FAM81B: variants seen among roughly 807,000 people sequenced by gnomAD.
The protein encoded by FAM81B is protein FAM81B.
FAM81B carries 60 observed loss-of-function variants against 58.7 expected under a neutral mutation model. The observed-to-expected ratio is 1.02, with a 90% CI of 0.83 to 1.27. The LOEUF is 1.27. FAM81B is among the 50% of genes most tolerant of loss of function. FAM81B has a pLI of 0.00. For missense variants in FAM81B, 491 were observed against 522.0 expected (o/e 0.94, Z 0.58); for synonymous variants, 189 against 179.6 (o/e 1.05, Z -0.42).
At position 95,424,033 on chromosome 5, in the gene FAM81B, T is replaced by C. The variant is rs1381721617; in HGVS notation, c.656+3631T>C. 8 of 1,289,366 alleles carry C rather than the reference T, an allele frequency of 6.2e-6. No homozygotes were observed. The East Asian group carries it at 4.4e-4, about 71-fold the overall frequency. 79.9% of individuals were successfully genotyped at this position (1,289,366 alleles called of 1,614,324 possible). ...GCCAAGGATGCAACCGTGTTCTTTATCATTTCTATCATCTAGGACCTCCCT... is the reference window on the plus strand; with the variant it reads ...GCCAAGGATGCAACCGTGTTCTTTACCATTTCTATCATCTAGGACCTCCCT... On this transcript the variant is annotated intron_variant, in intron 5 of 9. Transcript: ENST00000283357.
intron 6 of FAM81B, among the ~76,000 whole-genome samples, chr5:95,434,894 G>A (rs1745041918): frequency 6.6e-6 from 1 of 152,206 alleles, no homozygotes; most frequent in Non-Finnish European, 1.5e-5. Context: ...TGTTAGTCCA[G>A]ATCCTTTGCG....
intron 2 of FAM81B, among the ~76,000 whole-genome samples, chr5:95,394,282 T>C (rs1761905844): frequency 6.6e-6 from 1 of 152,206 alleles, no homozygotes; most frequent in African/African-American, 2.4e-5. Flanking sequence ...ATCTAATTGT[T>C]ACACTTCAGA....
At chr5:95,418,330 T>C (rs1460943432) in intron 4 of FAM81B, among the ~76,000 whole-genome samples, 2 of 152,078 alleles carry the variant, frequency 1.3e-5, no homozygotes, top group Non-Finnish European at 2.9e-5. Flanking sequence ...GCAATTCCAC[T>C]ATGGCAAGGA....
rs1475467957 is a variant in FAM81B, at chr5:95,420,403, G to C, written c.656+1G>C. On this transcript the variant is annotated splice_donor_variant, in intron 5 of 9. Transcript: ENST00000283357. LOFTEE classifies it high-confidence loss of function. ...GAGATCTTCGAGGAAGAGTAGCCAG[G>C]TGAGAAGAAGCATGTTGACTAATGT... 6.2e-7 allele frequency: 1 copy of C among 1,613,496 alleles called. No individual in the cohort carries two copies. The highest frequency in any genetic ancestry group is 8.5e-7 in the Non-Finnish European group (1 of 1,179,564).
intron 6 of FAM81B, among the ~76,000 whole-genome samples, chr5:95,429,287 T>C (rs988236478): frequency 6.6e-6 from 1 of 152,210 alleles, no homozygotes. Context: ...ATATTACACA[T>C]CTTCCTCTAG....
At chr5:95,423,547 TA>T (rs70978187) in intron 5 of FAM81B, among the ~76,000 whole-genome samples, 38,241 of 122,914 alleles carry the variant, frequency 0.31, 6,093 homozygotes, top group Non-Finnish European at 0.41. Flanking sequence ...TGCATGTGGG[TA>T]AAAAAAAAAA....
intron 4 of FAM81B, 126 bp from the exon 5 acceptor site, chr5:95,420,158 T>C (rs1762639785): frequency 9.0e-7 from 1 of 1,114,844 alleles, no homozygotes; most frequent in African/African-American, 1.6e-5. Flanking sequence ...GAGATAGGAC[T>C]CTCTCACTCA....
chr5:95,413,075 G>A (rs1411057961), intron 3 of FAM81B, among the ~76,000 whole-genome samples: 1 of 152,164 alleles, frequency 6.6e-6, no homozygotes, highest in Non-Finnish European at 1.5e-5. Context: ...ATTCTCTGAT[G>A]AAGAGTGTTT....
chr5:95,406,523 G>T (rs951949898), intron 3 of FAM81B, among the ~76,000 whole-genome samples: 14 of 152,138 alleles, frequency 9.2e-5, no homozygotes, highest in African/African-American at 3.4e-4. Context: ...GCCCCAGAAA[G>T]TGGGCATGAC....
intron 3 of FAM81B, among the ~76,000 whole-genome samples, chr5:95,401,176 T>C (rs1762102707): frequency 6.6e-6 from 1 of 152,164 alleles, no homozygotes; most frequent in African/African-American, 2.4e-5. Context: ...GCAATCTTAC[T>C]AAAAATTTTG....
chr5:95,396,239 G>T, intron 3 of FAM81B, 64 bp downstream of exon 3: 1 of 1,284,456 alleles, frequency 7.8e-7, no homozygotes, highest in Non-Finnish European at 1.1e-6. Context: ...AATCTCACAC[G>T]CAAAAAAGAA....
At chr5:95,422,093 C>T (rs9314138) in intron 5 of FAM81B, among the ~76,000 whole-genome samples, 32,073 of 151,786 alleles carry the variant, frequency 0.21, 3,493 homozygotes, top group African/African-American at 0.25. Flanking sequence ...TCAGGGATGC[C>T]CAAGTTTCTG....
At chr5:95,404,688 C>T (rs943789918) in intron 3 of FAM81B, among the ~76,000 whole-genome samples, 1 of 152,130 alleles carries the variant, frequency 6.6e-6, no homozygotes, top group Non-Finnish European at 1.5e-5. Context: ...TGTCAATCAA[C>T]AAATATTTAT....
chr5:95,439,978 C>T, intron 7 of FAM81B: 1 of 334,866 alleles, frequency 3.0e-6, no homozygotes, highest in South Asian at 2.6e-5. Flanking sequence ...GTCATTGCAC[C>T]ACTGCATGCC....
chr5:95,431,149 T>C (rs1323134922), intron 6 of FAM81B, among the ~76,000 whole-genome samples: 1 of 152,040 alleles, frequency 6.6e-6, no homozygotes, highest in African/African-American at 2.4e-5. Flanking sequence ...TCTTTGGTTT[T>C]TGACATGCAC....
In FAM81B at chr5:95,432,354, G is replaced by A. The variant is rs1467119534; in HGVS notation, c.786+3622G>A. Among the ~76,000 whole-genome samples the A allele has an allele frequency of 5.3e-5, 8 of 151,862 alleles. No homozygotes were observed. The East Asian group carries it at 7.7e-4, about 15-fold the overall frequency. On this transcript the variant is annotated intron_variant, in intron 6 of 9. Coordinates refer to ENST00000283357, the MANE Select transcript of FAM81B (RefSeq NM_152548.3). ...AGATTAACCTATTTTCTCTGCCATC[G>A]TTTTCAGATTTTGGAATCACCATTG...
intron 5 of FAM81B, among the ~76,000 whole-genome samples, chr5:95,420,731 C>T (rs963972564): frequency 6.6e-6 from 1 of 152,038 alleles, no homozygotes; most frequent in African/African-American, 2.4e-5. Flanking sequence ...GTGTCAAATG[C>T]GAATGAGTAA....
At chr5:95,413,683 T>C (rs1762461900) in intron 3 of FAM81B, among the ~76,000 whole-genome samples, 1 of 152,222 alleles carries the variant, frequency 6.6e-6, no homozygotes, top group Non-Finnish European at 1.5e-5. Flanking sequence ...GGCGTCAGTC[T>C]TGGAAGAAGG....
chr5:95,391,657 G>A, intron 1 of FAM81B, 144 bp downstream of exon 1: 3 of 839,348 alleles, frequency 3.6e-6, no homozygotes, highest in South Asian at 3.4e-5. Context: ...TTAAACAAAT[G>A]TACAAGAAAA....
Sources: gnomAD v4.1 joint callset for allele counts (sites outside exome capture counted in the v4.1 genomes callset) on GRCh38, gnomAD v4.1.1 for gene constraint, MANE v1.5 for transcripts, NCBI Gene and HGNC (gene_info 2026-07-23, HGNC 2026-07-21) for gene names.